MED16: variants seen among roughly 807,000 people sequenced by gnomAD.
MED16 encodes mediator complex subunit 16, also known as mediator of RNA polymerase II transcription subunit 16.
MED16 carries 81 observed loss-of-function variants against 84.4 expected under a neutral mutation model. That is an observed-to-expected ratio of 0.96 (90% CI 0.80 to 1.15). The LOEUF (loss-of-function observed/expected upper bound fraction) is 1.15. Among genes scored for constraint, MED16 ranks in the 50% most tolerant of loss-of-function variants. The probability of loss-of-function intolerance (pLI) is 0.00; values close to 1 mark genes in which losing one functional copy is unlikely to be tolerated. For missense variants in MED16, 1,585 were observed against 1,245.9 expected (o/e 1.27, Z -4.10); for synonymous variants, 897 against 552.2 (o/e 1.62, Z -8.76).
At chr19:870,609 G>T (rs189660327) in intron 13 of MED16, among the ~76,000 whole-genome samples, 1 of 151,860 alleles carries the variant, frequency 6.6e-6, no homozygotes. Context: ...GAAGGGCTGG[G>T]TGCCCGTGTT....
intron 8 of MED16, among the ~76,000 whole-genome samples, chr19:878,232 C>A (rs1377459409): frequency 1.7e-4 from 6 of 36,218 alleles, no homozygotes; most frequent in Admixed American, 3.1e-4. Flanking sequence ...TCAATGCCCA[C>A]CAGCCCCAGC....
In MED16 at chr19:880,183, G is replaced by A. The variant is rs763007553; in HGVS notation, c.1142-35C>T. On this transcript the variant is annotated intron_variant, in intron 7 of 15. Coordinates refer to ENST00000325464, the MANE Select transcript of MED16 (RefSeq NM_005481.3). ...ACAGGCACTGCTTAGACATGGGCAG[G>A]GCCCAGGACACGCCCGCCGGGGGAG... 12 of 1,567,110 alleles carry A rather than the reference G, an allele frequency of 7.7e-6. No individual in the cohort carries two copies. The South Asian group carries it at 1.0e-4, about 14-fold the overall frequency.
intron 1 of MED16, 100 bp from the exon 2 acceptor site, chr19:891,249 G>T: frequency 8.2e-7 from 1 of 1,216,396 alleles, no homozygotes; most frequent in Non-Finnish European, 1.1e-6. Flanking sequence ...GCCCGTGGTA[G>T]AGGGAACAGC....
At chr19:872,857 G>T in intron 11 of MED16, 1 of 689,314 alleles carries the variant, frequency 1.5e-6, no homozygotes, top group Non-Finnish European at 1.8e-6. Flanking sequence ...GCAGGGCCTG[G>T]GAGGCGGGGC....
rs141860145 is a variant in MED16, at chr19:884,156, G to A, written c.985+747C>T. Among the ~76,000 whole-genome samples, 108 of 152,290 alleles carry A rather than the reference G, an allele frequency of 7.1e-4. No homozygotes were observed. In the East Asian group the frequency reaches 0.019, roughly 26 times the overall value. ...GGTCCATTAGCGCTAATCGGCAAAT[G>A]CCTGTGCTCTCATCTACCGGGAAAA... On this transcript the variant is annotated intron_variant, in intron 6 of 15. Coordinates refer to ENST00000325464, the MANE Select transcript of MED16 (RefSeq NM_005481.3).
intron 1 of MED16, 98 bp downstream of exon 1, chr19:892,988 C>T (rs2036674004): frequency 6.5e-6 from 1 of 152,790 alleles, no homozygotes; most frequent in Non-Finnish European, 1.5e-5. Flanking sequence ...GCCCCCGACC[C>T]CGCAGGCCCC....
intron 10 of MED16, among the ~76,000 whole-genome samples, chr19:874,036 C>A (rs80283045): frequency 6.6e-6 from 1 of 152,336 alleles, no homozygotes; most frequent in African/African-American, 2.4e-5. Context: ...ACAGAACTAA[C>A]CATGACTGTG....
At position 877,082 on chromosome 19, in the gene MED16, G is replaced by C. The variant is rs62132304; in HGVS notation, c.1452C>G (p.Thr484=). 1.2e-6 allele frequency: 2 copies of C among 1,612,670 alleles called. No homozygotes were observed. The highest frequency in any genetic ancestry group is 2.2e-5 in the South Asian group (2 of 91,080). The change falls in exon 9 of 16, where the codon ACC becomes ACG. Residue 484 remains threonine (T), a synonymous_variant. Coordinates refer to ENST00000325464, the MANE Select transcript of MED16 (RefSeq NM_005481.3). Reference sequence around the variant, plus strand: ...GCAGGATGTCCCACCAGTCGTAGCCGGTCACCATGCAGTACTCCAGCAGGA... The same window carrying C: ...GCAGGATGTCCCACCAGTCGTAGCCCGTCACCATGCAGTACTCCAGCAGGA... ...LLFLLEYCMV[T]GYDWWDILLH... is the part of the protein sequence containing the mutation.
intron 12 of MED16, 119 bp from the exon 13 acceptor site, chr19:871,372 G>A (rs963331538): frequency 1.1e-5 from 15 of 1,319,566 alleles, no homozygotes; most frequent in African/African-American, 5.9e-5. Context: ...AGCTCTGTCT[G>A]CCTGGCTGGG....
chr19:878,598 C>T (rs2629996), intron 8 of MED16, among the ~76,000 whole-genome samples: 13,516 of 79,428 alleles, frequency 0.17, 1,226 homozygotes, highest in Middle Eastern at 0.29. Flanking sequence ...CTCACCTTCC[C>T]GTGGTTGTCA....
At chr19:885,467 G>C (rs1169583396) in intron 5 of MED16, among the ~76,000 whole-genome samples, 1 of 152,120 alleles carries the variant, frequency 6.6e-6, no homozygotes, top group Admixed American at 6.5e-5. Context: ...GGGGGTCCGG[G>C]GGCCCCAGTG....
chr19:871,261 G>A lies in MED16; in HGVS notation c.2099-8C>T, dbSNP rs755249311. ...CTGGGCCCTCATCGCGACCTGCGGA[G>A]AGAGGTGGCGGAAGTCTCAGCACCC... On this transcript the variant is annotated splice_region_variant and splice_polypyrimidine_tract_variant and intron_variant, in intron 12 of 15. Coordinates refer to ENST00000325464, the MANE Select transcript of MED16 (RefSeq NM_005481.3). 8.1e-5 allele frequency: 124 copies of A among 1,529,464 alleles called. 1 individual carries two copies. Among genetic ancestry groups the A allele is most frequent in the Non-Finnish European group, 1.0e-4 (117 of 1,132,330 alleles). 94.7% of individuals were successfully genotyped at this position (1,529,464 alleles called of 1,614,324 possible). A position where few individuals can be genotyped will look rare whatever the true frequency, so the allele number is the denominator to read the frequency against.
At chr19:870,993 GGAA>G (rs1568318158) in intron 13 of MED16, 41 bp downstream of exon 13, 2 of 1,485,148 alleles carry the variant, frequency 1.3e-6, no homozygotes, top group South Asian at 2.6e-5. Flanking sequence ...AGGACACGGA[GGAA>G]GGAGTCCTGT....
rs1286184804 is a variant in MED16 at position 892,868 on chromosome 19, A to ACCCTGAG, written c.-19+211_-19+217dup. The ACCCTGAG allele has an allele frequency of 3.8e-5, 5 of 132,196 alleles. No homozygotes were observed. In the East Asian group the frequency reaches 7.4e-4, roughly 20 times the overall value. 8.2% of individuals were successfully genotyped at this position (132,196 alleles called of 1,614,324 possible). The stretch of plus-strand genomic sequence containing the variant: ...GGCCTCCCCCAGGTTTCCGCCGCAA[A>ACCCTGAG]CCCTGAGCCCCGAGCCCCGCGCCCC... On this transcript the variant is annotated intron_variant, in intron 1 of 15. Coordinates refer to ENST00000325464, the MANE Select transcript of MED16 (RefSeq NM_005481.3).
chr19:873,898 T>C (rs1164088630), intron 10 of MED16, among the ~76,000 whole-genome samples: 2 of 152,062 alleles, frequency 1.3e-5, no homozygotes, highest in Non-Finnish European at 2.9e-5. Context: ...ATCTGCCCCC[T>C]GCTCCGAGGT....
Position 885,851 on chromosome 19 carries a change from G to A in MED16, c.798C>T (p.Arg266=). 6.2e-7 allele frequency: 1 copy of A among 1,613,822 alleles called. No homozygotes were observed. ...CCTTGCGGTTGAGGTCGGTGGTGCA[G>A]CGCATGAACAGGGAGGGCAGGATCT... ...DTEILPSLFM[R]CTTDLNRKDK... Residue 266 remains arginine (R), a synonymous_variant, in exon 5 of 16, where the codon CGC becomes CGT. Transcript: ENST00000325464.
At chr19:873,230 G>C (rs1308488746) in intron 11 of MED16, among the ~76,000 whole-genome samples, 1 of 148,016 alleles carries the variant, frequency 6.8e-6, no homozygotes, top group African/African-American at 2.5e-5. Flanking sequence ...CTCAGGAAGT[G>C]GGACTCCAAG....
At position 879,419 on chromosome 19, in the gene MED16, GCCC is replaced by G. The variant is rs2036357723; in HGVS notation, c.1353+515_1353+517del. Among the ~76,000 whole-genome samples the G allele has an allele frequency of 2.6e-5, 3 of 113,562 alleles. No individual in the cohort carries two copies. In the South Asian group the frequency reaches 8.6e-4, roughly 33 times the overall value. The allele number at this position is 113,562 out of a possible 152,430, so 74.5% of individuals were successfully genotyped here. A position where few individuals can be genotyped will look rare whatever the true frequency, so the allele number is the denominator to read the frequency against. ...AGCTCACCTTTCCCTGGTTGTCAAT[GCCC>G]ACCAACCCCAGCCCCACGTGCCCCA... On this transcript the variant is annotated intron_variant, in intron 8 of 15. Transcript: ENST00000325464.
At chr19:883,003 G>A (rs900057394) in intron 6 of MED16, among the ~76,000 whole-genome samples, 2 of 152,198 alleles carry the variant, frequency 1.3e-5, no homozygotes, top group South Asian at 2.1e-4. Flanking sequence ...TCATAGGAAA[G>A]ACAGGAAACT....
Sources: gnomAD v4.1 joint callset for allele counts (sites outside exome capture counted in the v4.1 genomes callset) on GRCh38, gnomAD v4.1.1 for gene constraint, MANE v1.5 for transcripts, NCBI Gene and HGNC (gene_info 2026-07-23, HGNC 2026-07-21) for gene names.